Variants in DPYD observed in about 807,000 individuals in gnomAD.
DPYD encodes the protein dihydropyrimidine dehydrogenase [NADP(+)].
Under a neutral mutation model 116.2 loss-of-function variants are expected in DPYD, and 109 were observed. The observed-to-expected ratio is 0.94, with a 90% CI of 0.80 to 1.10. The LOEUF (loss-of-function observed/expected upper bound fraction) is 1.10, where lower values mean the gene tolerates loss of function less well. Among genes scored for constraint, DPYD ranks in the 50% least tolerant of loss-of-function variants. DPYD has a pLI of 0.00. For missense variants in DPYD, 1,302 were observed against 1,254.5 expected (o/e 1.04, Z -0.57); for synonymous variants, 440 against 432.0 (o/e 1.02, Z -0.23).
intron 13 of DPYD, among the ~76,000 whole-genome samples, chr1:97,515,137 A>T (rs1648122645): frequency 6.6e-6 from 1 of 151,978 alleles, no homozygotes; most frequent in African/African-American, 2.4e-5. Context: ...GAAAACATGC[A>T]TTTATATGCT....
At chr1:97,379,219 G>C (rs1046554342) in intron 15 of DPYD, among the ~76,000 whole-genome samples, 14 of 152,244 alleles carry the variant, frequency 9.2e-5, no homozygotes, top group African/African-American at 2.4e-4. Context: ...AGAAGGCAGC[G>C]GGATCTGGAA....
At chr1:97,202,183 G>T (rs559398069) in intron 19 of DPYD, among the ~76,000 whole-genome samples, 1 of 152,098 alleles carries the variant, frequency 6.6e-6, no homozygotes, top group South Asian at 2.1e-4. Flanking sequence ...AAAAATTGCC[G>T]AAATGGATAA....
At chr1:97,834,880 C>T (rs1322531404) in intron 2 of DPYD, among the ~76,000 whole-genome samples, 1 of 151,832 alleles carries the variant, frequency 6.6e-6, no homozygotes, top group African/African-American at 2.4e-5. Context: ...TTTATAAGTA[C>T]AAGTAAGAAA....
chr1:97,525,182 G>A (rs558086635), intron 12 of DPYD, among the ~76,000 whole-genome samples: 19 of 152,192 alleles, frequency 1.2e-4, no homozygotes, highest in African/African-American at 4.3e-4. Context: ...TTTGCTTCAT[G>A]TCTCAGTCTT....
At chr1:97,638,512 G>A (rs1400583055) in intron 8 of DPYD, among the ~76,000 whole-genome samples, 2 of 152,160 alleles carry the variant, frequency 1.3e-5, no homozygotes, top group African/African-American at 4.8e-5. Context: ...GAATTAAGTT[G>A]AAAGCTCCTG....
chr1:97,106,341 T>G (rs980429595), intron 20 of DPYD, among the ~76,000 whole-genome samples: 1 of 152,110 alleles, frequency 6.6e-6, no homozygotes, highest in Non-Finnish European at 1.5e-5. Context: ...TTTGTGGGTG[T>G]GTTTGTCAGA....
chr1:97,658,937 G>GA (rs1218033831), intron 8 of DPYD, among the ~76,000 whole-genome samples: 2 of 151,908 alleles, frequency 1.3e-5, no homozygotes, highest in Non-Finnish European at 2.9e-5. Context: ...CCATCTTTCA[G>GA]AAAAAAACCT....
chr1:97,731,340 T>A (rs887187160), intron 4 of DPYD, among the ~76,000 whole-genome samples: 21 of 152,064 alleles, frequency 1.4e-4, no homozygotes, highest in Non-Finnish European at 2.8e-4. Context: ...TTTAAACCCA[T>A]TAATAGCTTC....
rs1350438634 is a variant in DPYD at position 97,221,792 on chromosome 1, A to T, written c.2442+13060T>A. 7.9e-5 allele frequency among the ~76,000 whole-genome samples: 12 copies of T among 152,216 alleles called. No individual in the cohort carries two copies. In the East Asian group the frequency reaches 2.3e-3, roughly 29 times the overall value. ...AAATCAATTTATGAACTAACAGAAA[A>T]AAGACTCATGACTTTGGATACCTAA... On this transcript the variant is annotated intron_variant, in intron 19 of 22. Transcript: ENST00000370192.
intron 14 of DPYD, among the ~76,000 whole-genome samples, chr1:97,427,066 A>G: frequency 6.6e-6 from 1 of 152,242 alleles, no homozygotes; most frequent in East Asian, 1.9e-4. Context: ...ATGAACCTAT[A>G]GTATTTCTTA....
intron 10 of DPYD, among the ~76,000 whole-genome samples, chr1:97,581,015 C>A (rs1337746062): frequency 6.6e-6 from 1 of 152,018 alleles, no homozygotes; most frequent in Non-Finnish European, 1.5e-5. Flanking sequence ...GGGAAGTACA[C>A]AGGTGGGCCT....
intron 14 of DPYD, among the ~76,000 whole-genome samples, chr1:97,395,400 G>C (rs1672954340): frequency 6.6e-6 from 1 of 151,740 alleles, no homozygotes; most frequent in South Asian, 2.1e-4. Flanking sequence ...CTTGAATTTG[G>C]AGAATCTTAT....
intron 8 of DPYD, among the ~76,000 whole-genome samples, chr1:97,635,360 C>T (rs1191773354): frequency 3.3e-5 from 5 of 151,948 alleles, no homozygotes; most frequent in Non-Finnish European, 5.9e-5. Flanking sequence ...CCTAGAGTGA[C>T]GTGTCTACAT....
chr1:97,503,680 T>G (rs960624685), intron 13 of DPYD, among the ~76,000 whole-genome samples: 2 of 152,146 alleles, frequency 1.3e-5, no homozygotes, highest in Non-Finnish European at 2.9e-5. Flanking sequence ...CCACAATTAT[T>G]TCACCTAATC....
chr1:97,764,476 C>G (rs1665740029), intron 3 of DPYD, among the ~76,000 whole-genome samples: 2 of 151,978 alleles, frequency 1.3e-5, no homozygotes, highest in African/African-American at 4.8e-5. Flanking sequence ...ACTACATGTT[C>G]AAGTTAATAA....
chr1:97,343,552 G>C (rs879281955), intron 16 of DPYD, among the ~76,000 whole-genome samples: 1 of 151,942 alleles, frequency 6.6e-6, no homozygotes, highest in Admixed American at 6.6e-5. Context: ...TTGTTTTGTT[G>C]CTTCTATAGC....
intron 16 of DPYD, among the ~76,000 whole-genome samples, chr1:97,349,158 C>T (rs1173736749): frequency 6.6e-6 from 1 of 152,096 alleles, no homozygotes; most frequent in East Asian, 1.9e-4. Flanking sequence ...AATAATAGTA[C>T]ACTAGCTCAG....
intron 12 of DPYD, among the ~76,000 whole-genome samples, chr1:97,543,311 A>C (rs1650589388): frequency 6.6e-6 from 1 of 152,102 alleles, no homozygotes; most frequent in Non-Finnish European, 1.5e-5. Context: ...ACCCTCCCGA[A>C]GTCAAGTGTG....
chr1:97,347,429 T>C (rs1258620600), intron 16 of DPYD, among the ~76,000 whole-genome samples: 1 of 152,044 alleles, frequency 6.6e-6, no homozygotes, highest in Non-Finnish European at 1.5e-5. Flanking sequence ...TTACATGACA[T>C]GATGTTTTCT....
Sources: allele counts gnomAD v4.1 joint callset (sites outside exome capture counted in the v4.1 genomes callset), GRCh38; gene constraint gnomAD v4.1.1; transcripts MANE v1.5; gene names NCBI Gene and HGNC (gene_info 2026-07-23, HGNC 2026-07-21).